PM20D1: variants seen among roughly 807,000 people sequenced by gnomAD.
PM20D1 encodes the protein peptidase M20 domain containing 1.
In PM20D1, 53 loss-of-function variants were observed where a neutral mutation model predicts 53.8. The ratio of observed to expected loss-of-function variants is 0.98; its 90% CI spans 0.79 to 1.24. PM20D1 has a LOEUF of 1.24. PM20D1 is among the 50% of genes most tolerant of loss of function. The pLI is 0.00. For synonymous variants in PM20D1, 239 were observed against 241.3 expected, an observed-to-expected ratio of 0.99 and a Z score of 0.09; for missense variants, 564 against 616.8, an observed-to-expected ratio of 0.91 and a Z score of 0.91.
At chr1:205,831,763 C>T (rs1323348231) in intron 11 of PM20D1, among the ~76,000 whole-genome samples, 7 of 151,988 alleles carry the variant, frequency 4.6e-5, no homozygotes, top group African/African-American at 1.5e-4. Flanking sequence ...GAGGTTTCAC[C>T]ATATTGGTCA....
chr1:205,835,480 G>A (rs1182907517), intron 10 of PM20D1, among the ~76,000 whole-genome samples: 6 of 151,816 alleles, frequency 4.0e-5, no homozygotes, highest in South Asian at 2.1e-4. Flanking sequence ...GTGAAACCCC[G>A]TCTCTACTAA....
At position 205,832,623 on chromosome 1, in the gene PM20D1, G is replaced by T. The variant is rs767929358; in HGVS notation, c.1260C>A (p.Phe420Leu). The change falls in exon 11 of 13, where the codon TTC (phenylalanine) becomes TTA (leucine). Residue 420 changes from phenylalanine (F) to leucine (L), a missense_variant. Physicochemically the swap from Phe to Leu is conservative, Grantham distance 22. Transcript: ENST00000367136. The part of the protein sequence containing the change: ...QLLRQTVQSV[F>L]PEVNITAPVT... ...CTGGGGCAGTAATATTGACTTCCGG[G>T]AAGACGGACTGTACGGTCTGGCGGA... is the stretch of plus-strand genomic sequence containing the variant. 1.9e-6 allele frequency: 3 copies of T among 1,614,024 alleles called. No individual in the cohort carries two copies. In the African/African-American group the frequency reaches 4.0e-5, roughly 22 times the overall value.
At chr1:205,836,042 A>T (rs1216212785) in intron 10 of PM20D1, among the ~76,000 whole-genome samples, 1 of 151,850 alleles carries the variant, frequency 6.6e-6, no homozygotes, top group East Asian at 1.9e-4. Flanking sequence ...TGCCCAGCTA[A>T]TTTTTGTATT....
chr1:205,849,574 G>T (rs538919239), intron 1 of PM20D1, among the ~76,000 whole-genome samples: 10 of 152,096 alleles, frequency 6.6e-5, no homozygotes, highest in African/African-American at 2.2e-4. Flanking sequence ...ACTTTCAAAG[G>T]TTAAAATTGA....
rs2102532213 is a variant in PM20D1 at position 205,847,029 on chromosome 1, T to C, written c.256+856A>G. The stretch of plus-strand genomic sequence containing the variant: ...TTCTTTTTTTTTTTTTTTTTTTTTT[T>C]TTTTCAGAGACAAGGTCTTGCTCTC... On this transcript the variant is annotated intron_variant, in intron 2 of 12. Transcript: ENST00000367136. Among the ~76,000 whole-genome samples, 3 of 140,286 alleles carry C rather than the reference T, an allele frequency of 2.1e-5. 1 individual carries two copies. The South Asian group carries it at 7.2e-4, about 34-fold the overall frequency. 92.0% of individuals were successfully genotyped at this position (140,286 alleles called of 152,430 possible).
intron 10 of PM20D1, among the ~76,000 whole-genome samples, chr1:205,835,089 C>T (rs977801507): frequency 1.3e-5 from 2 of 152,182 alleles, no homozygotes; most frequent in African/African-American, 4.8e-5. Flanking sequence ...TGCTTTACTG[C>T]TTCCTAAGTA....
At chr1:205,842,424 T>C (rs896084293) in intron 7 of PM20D1, among the ~76,000 whole-genome samples, 1 of 152,182 alleles carries the variant, frequency 6.6e-6, no homozygotes, top group African/African-American at 2.4e-5. Context: ...TTAGAACAAT[T>C]GCTTAGCAAC....
At chr1:205,836,219 G>T (rs1015843857) in intron 10 of PM20D1, among the ~76,000 whole-genome samples, 22 of 152,134 alleles carry the variant, frequency 1.4e-4, no homozygotes, top group African/African-American at 5.1e-4. Flanking sequence ...ACCTTATGTT[G>T]TTCTCTGTTT....
rs373149407 is a variant in PM20D1 at position 205,847,841 on chromosome 1, T to C, written c.256+44A>G. On this transcript the variant is annotated intron_variant, in intron 2 of 12. Transcript: ENST00000367136. ...CTTTGTAAAAGAACTGTGTCTCCATTGCTATTTCTACCACCCACCCCTTGC... is the reference window on the plus strand; with the variant it reads ...CTTTGTAAAAGAACTGTGTCTCCATCGCTATTTCTACCACCCACCCCTTGC... 68 of 1,130,392 alleles carry C rather than the reference T, an allele frequency of 6.0e-5. 1 individual carries two copies. The East Asian group carries it at 1.3e-3, about 21-fold the overall frequency. The allele number at this position is 1,130,392 out of a possible 1,614,324, so 70.0% of individuals were successfully genotyped here. A position where few individuals can be genotyped will look rare whatever the true frequency, so the allele number is the denominator to read the frequency against.
At chr1:205,847,006 CTTTTTTTT>C (rs778538865) in intron 2 of PM20D1, among the ~76,000 whole-genome samples, 9 of 44,672 alleles carry the variant, frequency 2.0e-4, no homozygotes, top group East Asian at 6.1e-4. Flanking sequence ...TCCTTCCTTT[CTTTTTTTT>C]TTTTTTTTTT....
chr1:205,838,702 CAT>C (rs1251147353), intron 10 of PM20D1, among the ~76,000 whole-genome samples: 6 of 152,176 alleles, frequency 3.9e-5, no homozygotes, highest in Non-Finnish European at 8.8e-5. Context: ...TTGCCTATTT[CAT>C]ATGTTATAAG....
rs751647461 is a variant in PM20D1, at chr1:205,845,299, G to T, written c.489+26C>A. On this transcript the variant is annotated intron_variant, in intron 3 of 12. Transcript: ENST00000367136. The stretch of plus-strand genomic sequence containing the variant: ...TCCTGATTGATCTTTAGGGCCCCAA[G>T]GCAGAGGGAACATTGCATCTCAGAC... 6 of 1,604,674 alleles carry T rather than the reference G, an allele frequency of 3.7e-6. No homozygotes were observed. The African/African-American group carries it at 6.7e-5, about 18-fold the overall frequency.
chr1:205,844,817 A>G lies in PM20D1; in HGVS notation c.570T>C (p.Asp190=), dbSNP rs1571679369. 4 of 1,613,834 alleles carry G rather than the reference A, an allele frequency of 2.5e-6. No individual in the cohort carries two copies. The East Asian group carries it at 8.9e-5, about 36-fold the overall frequency. Residue 190 remains aspartate, a synonymous_variant, in exon 4 of 13, where the codon GAT becomes GAC. Coordinates refer to ENST00000367136, the MANE Select transcript of PM20D1 (RefSeq NM_152491.5). ...RRSFFISLGH[D]EESSGTGAQR... ...TAAGGTGAGGAGGCTCTACCTCCTCATCATGGCCCAGAGAAATGAAGAAAG... is the reference window on the plus strand; with the variant it reads ...TAAGGTGAGGAGGCTCTACCTCCTCGTCATGGCCCAGAGAAATGAAGAAAG...
At chr1:205,839,509 T>C (rs1208394006) in intron 10 of PM20D1, among the ~76,000 whole-genome samples, 1 of 151,992 alleles carries the variant, frequency 6.6e-6, no homozygotes, top group Non-Finnish European at 1.5e-5. Flanking sequence ...AGATTTAGGG[T>C]GGGTAGTTGT....
chr1:205,835,673 AAAAG>A (rs1178535144), intron 10 of PM20D1, among the ~76,000 whole-genome samples: 2 of 150,654 alleles, frequency 1.3e-5, no homozygotes, highest in Non-Finnish European at 2.9e-5. Context: ...AAAAAAAAAA[AAAAG>A]GTGTAATGTG....
intron 12 of PM20D1, chr1:205,829,920 T>C (rs1446453814): frequency 5.1e-6 from 1 of 194,362 alleles, no homozygotes; most frequent in African/African-American, 2.3e-5. Context: ...CAGAAAATGC[T>C]GAGGAGTCTC....
chr1:205,834,599 G>A (rs1292729049), intron 10 of PM20D1, among the ~76,000 whole-genome samples: 2 of 152,222 alleles, frequency 1.3e-5, no homozygotes, highest in Admixed American at 1.3e-4. Context: ...TCATCAAAGT[G>A]TATTCTCACT....
chr1:205,833,929 C>A (rs1033034468), intron 10 of PM20D1, among the ~76,000 whole-genome samples: 1 of 149,318 alleles, frequency 6.7e-6, no homozygotes, highest in Non-Finnish European at 1.5e-5. Flanking sequence ...CTTACTGCAA[C>A]CTCTGCCTCC....
chr1:205,844,232 C>T lies in PM20D1; in HGVS notation c.577-15G>A. On this transcript the variant is annotated splice_polypyrimidine_tract_variant and intron_variant, in intron 4 of 12. Coordinates refer to ENST00000367136, the MANE Select transcript of PM20D1 (RefSeq NM_152491.5). ...GTCCCTGATGACTGCAGACATGGAA[C>T]ATAGAGCTATAGTCCTTCTCAGCCA... 2.5e-6 allele frequency: 4 copies of T among 1,598,908 alleles called. No individual in the cohort carries two copies. The highest frequency in any genetic ancestry group is 3.4e-6 in the Non-Finnish European group (4 of 1,171,264).
Sources: allele counts gnomAD v4.1 joint callset (sites outside exome capture counted in the v4.1 genomes callset), GRCh38; gene constraint gnomAD v4.1.1; transcripts MANE v1.5; gene names NCBI Gene and HGNC (gene_info 2026-07-23, HGNC 2026-07-21).